The following LONRF2 variants were observed in gnomAD, a reference collection of about 807,000 sequenced individuals.
LONRF2 encodes the protein LON peptidase N-terminal domain and ring finger 2.
A neutral mutation model predicts 66.6 loss-of-function variants in LONRF2; 35 were observed. The ratio of observed to expected loss-of-function variants is 0.53; its 90% CI spans 0.40 to 0.70. LONRF2 has a LOEUF of 0.70. LONRF2 is among the 30% of genes least tolerant of loss of function. The pLI is 0.00. For synonymous variants in LONRF2, 417 were observed against 418.1 expected (o/e 1.00, Z 0.03); for missense variants, 902 against 1,002.1 (o/e 0.90, Z 1.35).
At chr2:100,308,208 A>G (rs1168272896) in intron 2 of LONRF2, among the ~76,000 whole-genome samples, 3 of 131,868 alleles carry the variant, frequency 2.3e-5, no homozygotes, top group Admixed American at 1.6e-4. Context: ...TCTCTACTAA[A>G]AAATACAAAA....
intron 9 of LONRF2, among the ~76,000 whole-genome samples, chr2:100,293,676 T>C (rs1675006233): frequency 6.6e-6 from 1 of 152,204 alleles, no homozygotes; most frequent in Non-Finnish European, 1.5e-5. Flanking sequence ...TAGTGTGTTT[T>C]TGTAAGACTG....
intron 2 of LONRF2, among the ~76,000 whole-genome samples, chr2:100,303,759 T>C (rs559365109): frequency 6.6e-6 from 1 of 152,334 alleles, no homozygotes; most frequent in East Asian, 1.9e-4. Context: ...TTTCCTTTTA[T>C]CTTTGGTTTA....
chr2:100,296,616 A>G (rs1019225364), intron 7 of LONRF2, among the ~76,000 whole-genome samples: 2 of 152,180 alleles, frequency 1.3e-5, no homozygotes, highest in African/African-American at 4.8e-5. Context: ...TATTGCTGTG[A>G]TTGACTGAGA....
In LONRF2 at chr2:100,294,372, G is replaced by A. The variant is rs964649866; in HGVS notation, c.1614C>T (p.Val538=). The A allele has an allele frequency of 1.3e-6, 2 of 1,594,212 alleles. No individual in the cohort carries two copies. Among genetic ancestry groups the A allele is most frequent in the Non-Finnish European group, 8.5e-7 (1 of 1,172,888 alleles). ...MSELSNLTRD[V]PIFVCAMAFP... ...AGGCCATGGCACACACAAAGATGGG[G>A]ACGTCTCTGGTCAGACTGCAGAGCA... is the stretch of plus-strand genomic sequence containing the variant. Residue 538 remains valine, a synonymous_variant, in exon 9 of 12, where the codon GTC becomes GTT. Transcript: ENST00000393437.
chr2:100,309,063 T>C (rs1212143624), intron 2 of LONRF2, 44 bp downstream of exon 2: 4 of 1,290,390 alleles, frequency 3.1e-6, no homozygotes, highest in African/African-American at 3.0e-5. Flanking sequence ...GAAAATCATA[T>C]AAACTTCACA....
Position 100,284,192 on chromosome 2 carries a change from C to G in LONRF2, c.*106G>C. The G allele has an allele frequency of 9.2e-7, 1 of 1,086,286 alleles. No homozygotes were observed. The highest frequency in any genetic ancestry group is 1.3e-6 in the Non-Finnish European group (1 of 785,586). The allele number at this position is 1,086,286 out of a possible 1,614,324, so 67.3% of individuals were successfully genotyped here. On this transcript the variant is annotated 3_prime_UTR_variant, in exon 12 of 12. Coordinates refer to ENST00000393437, the MANE Select transcript of LONRF2 (RefSeq NM_198461.4). Reference sequence around the variant, plus strand: ...TTTGGCAAGCGTCCCATTTTGGAACCTCATCCACAAGCACTTGATGAAGCA... The same window carrying G: ...TTTGGCAAGCGTCCCATTTTGGAACGTCATCCACAAGCACTTGATGAAGCA...
intron 9 of LONRF2, among the ~76,000 whole-genome samples, chr2:100,291,620 C>G (rs966143335): frequency 9.2e-5 from 14 of 152,122 alleles, no homozygotes; most frequent in Non-Finnish European, 1.5e-4. Context: ...TTGCTCAAAT[C>G]ACTTGACAGG....
Position 100,278,471 on chromosome 2 carries a change from C to T in LONRF2, c.*5827G>A, listed in dbSNP as rs1674643890. On this transcript the variant is annotated 3_prime_UTR_variant, in exon 12 of 12. Transcript: ENST00000393437. ...ACGGGACCCACTTGAGCCTAAACTT[C>T]CACCAAAAAGCAAGAACCAAAACCC... is the stretch of plus-strand genomic sequence containing the variant. 6.6e-6 allele frequency: 1 copy of T among 152,238 alleles called. No individual in the cohort carries two copies. Among genetic ancestry groups the T allele is most frequent in the East Asian group, 1.9e-4 (1 of 5,176 alleles). The allele number at this position is 152,238 out of a possible 1,614,324, so 9.4% of individuals were successfully genotyped here.
In LONRF2 at chr2:100,300,660, T is replaced by A. The variant is rs774564052; in HGVS notation, c.1049A>T (p.Asp350Val). Residue 350 changes from aspartate (D) to valine (V), a missense_variant, in exon 4 of 12, where the codon GAT becomes GTT. Asp to Val is a radical substitution (Grantham distance 152, BLOSUM62 -3). Around this residue, in one of 2 missense-constraint regions of LONRF2, gnomAD observed 585 missense variants for 569.9 expected, o/e 1.03. Coordinates refer to ENST00000393437, the MANE Select transcript of LONRF2 (RefSeq NM_198461.4). ...MNAQALLEEG[D>V]AGSSENSSEK... is the part of the protein sequence containing the mutation. ...ACGTCATACCTCCGAGCTCCCTGCA[T>A]CACCTTCTTCCAGCAGAGCCTGGGC... 2 of 1,611,868 alleles carry A rather than the reference T, an allele frequency of 1.2e-6. No individual in the cohort carries two copies. Among genetic ancestry groups the A allele is most frequent in the South Asian group, 1.1e-5 (1 of 90,408 alleles).
rs1226536002 is a variant in LONRF2 at position 100,284,078 on chromosome 2, C to T, written c.*220G>A. 2.2e-6 allele frequency: 1 copy of T among 454,140 alleles called. No individual in the cohort carries two copies. The highest frequency in any genetic ancestry group is 2.0e-5 in the African/African-American group (1 of 49,876). The allele number at this position is 454,140 out of a possible 1,614,324, so 28.1% of individuals were successfully genotyped here. A position where few individuals can be genotyped will look rare whatever the true frequency, so the allele number is the denominator to read the frequency against. ...GAGATTTTCTTAGGTTGTTTTCCAA[C>T]TATGGGCTCCATTCAGACTTCAGGC... is the stretch of plus-strand genomic sequence containing the variant. On this transcript the variant is annotated 3_prime_UTR_variant, in exon 12 of 12. Transcript: ENST00000393437.
At chr2:100,294,201 C>T (rs760748911) in intron 9 of LONRF2, 28 bp downstream of exon 9, 3 of 1,602,886 alleles carry the variant, frequency 1.9e-6, no homozygotes, top group Non-Finnish European at 2.6e-6. Context: ...CATTAGGACC[C>T]TTTGAACCAA....
At chr2:100,317,715 T>G (rs1410035443) in intron 1 of LONRF2, among the ~76,000 whole-genome samples, 2 of 151,912 alleles carry the variant, frequency 1.3e-5, no homozygotes, top group East Asian at 1.9e-4. Context: ...AAAAATATTT[T>G]CAGGTAAAGA....
At chr2:100,300,252 AT>A (rs35877708) in intron 4 of LONRF2, among the ~76,000 whole-genome samples, 138 of 150,408 alleles carry the variant, frequency 9.2e-4, no homozygotes, top group African/African-American at 3.3e-3. Flanking sequence ...CCTTTGCTTT[AT>A]TTTTTTTTAA....
At chr2:100,316,580 T>C (rs1675512279) in intron 1 of LONRF2, among the ~76,000 whole-genome samples, 1 of 152,152 alleles carries the variant, frequency 6.6e-6, no homozygotes, top group South Asian at 2.1e-4. Flanking sequence ...TTACGACTTC[T>C]TTCATGGCCT....
In LONRF2 at chr2:100,316,285, C is replaced by T. The variant is rs1487132124; in HGVS notation, c.679+5130G>A. Among the ~76,000 whole-genome samples the T allele has an allele frequency of 5.1e-5, 7 of 135,954 alleles. No homozygotes were observed. In the East Asian group the frequency reaches 1.4e-3, roughly 28 times the overall value. 89.2% of individuals were successfully genotyped at this position (135,954 alleles called of 152,430 possible). A position where few individuals can be genotyped will look rare whatever the true frequency, so the allele number is the denominator to read the frequency against. On this transcript the variant is annotated intron_variant, in intron 1 of 11. Transcript: ENST00000393437. The stretch of plus-strand genomic sequence containing the variant: ...AGCGTGCTGAGATCGTGCCACTGCA[C>T]TCCAGCCTGGGCAACAGAGCGAGAC...
intron 2 of LONRF2, among the ~76,000 whole-genome samples, chr2:100,304,049 A>G (rs1005064866): frequency 6.6e-6 from 1 of 151,818 alleles, no homozygotes; most frequent in Non-Finnish European, 1.5e-5. Context: ...CTTCCTATAG[A>G]TCTATCTTCA....
chr2:100,285,786 A>G (rs982132774), intron 11 of LONRF2, among the ~76,000 whole-genome samples: 6 of 152,232 alleles, frequency 3.9e-5, no homozygotes, highest in African/African-American at 1.4e-4. Flanking sequence ...AGAGAAACGC[A>G]TGCTGCCATC....
intron 1 of LONRF2, among the ~76,000 whole-genome samples, chr2:100,318,186 C>T (rs1675546956): frequency 6.6e-6 from 1 of 152,128 alleles, no homozygotes; most frequent in African/African-American, 2.4e-5. Flanking sequence ...TTTCTGTTAA[C>T]TTGCTTCTGA....
chr2:100,276,899 T>C lies in LONRF2; in HGVS notation c.*7399A>G, dbSNP rs953374655. The C allele has an allele frequency of 1.3e-5, 2 of 152,244 alleles. No homozygotes were observed. The highest frequency in any genetic ancestry group is 2.9e-5 in the Non-Finnish European group (2 of 68,058). The allele number at this position is 152,244 out of a possible 1,614,324, so 9.4% of individuals were successfully genotyped here. On this transcript the variant is annotated 3_prime_UTR_variant, in exon 12 of 12. Transcript: ENST00000393437. ...CACAGGGAGCTCCACGGCTTTGCCA[T>C]GGCACACAATGTCTGCAGACAGGGT...
Sources: gnomAD v4.1 joint callset for allele counts (sites outside exome capture counted in the v4.1 genomes callset) on GRCh38, gnomAD v4.1.1 for gene constraint, gnomAD v4.1.1 regional missense constraint, MANE v1.5 for transcripts, NCBI Gene and HGNC (gene_info 2026-07-23, HGNC 2026-07-21) for gene names.